Variants in GRID2 observed in about 807,000 individuals in gnomAD.
GRID2 encodes glutamate ionotropic receptor delta type subunit 2.
A neutral mutation model predicts 114.8 loss-of-function variants in GRID2; 33 were observed. That is an observed-to-expected ratio of 0.29 (90% CI 0.22 to 0.38). GRID2 has a LOEUF of 0.38. GRID2 is among the 10% of genes least tolerant of loss of function. The probability of loss-of-function intolerance (pLI) is 1.00; values close to 1 mark genes in which losing one functional copy is unlikely to be tolerated. For missense variants in GRID2, 1,184 were observed against 1,257.7 expected (o/e 0.94, Z 0.89); for synonymous variants, 505 against 449.9 (o/e 1.12, Z -1.55).
At chr4:93,291,886 G>A (rs1046682437) in intron 8 of GRID2, among the ~76,000 whole-genome samples, 3 of 150,564 alleles carry the variant, frequency 2.0e-5, no homozygotes, top group Non-Finnish European at 2.9e-5. Flanking sequence ...ATTAGCATAT[G>A]CATTACCACA....
At chr4:93,629,063 A>G (rs1163070743) in intron 14 of GRID2, among the ~76,000 whole-genome samples, 2 of 152,140 alleles carry the variant, frequency 1.3e-5, no homozygotes, top group African/African-American at 4.8e-5. Context: ...CACCGCGCCC[A>G]GCGATTTTCT....
At chr4:92,559,025 T>C (rs1484988943) in intron 1 of GRID2, among the ~76,000 whole-genome samples, 2 of 152,202 alleles carry the variant, frequency 1.3e-5, no homozygotes, top group African/African-American at 2.4e-5. Context: ...TTCAGCATAA[T>C]TTATATGCAC....
At chr4:93,055,810 C>CAAAT (rs1197716247) in intron 2 of GRID2, among the ~76,000 whole-genome samples, 9 of 151,878 alleles carry the variant, frequency 5.9e-5, no homozygotes, top group Non-Finnish European at 1.3e-4. Context: ...AATTTGCTTA[C>CAAAT]AAATACAAGA....
intron 1 of GRID2, among the ~76,000 whole-genome samples, chr4:92,392,720 A>C (rs1730305771): frequency 6.6e-6 from 1 of 152,146 alleles, no homozygotes; most frequent in South Asian, 2.1e-4. Flanking sequence ...TAAACTTTAG[A>C]CATCATTCAA....
At chr4:93,087,006 A>G (rs1322739933) in intron 3 of GRID2, among the ~76,000 whole-genome samples, 1 of 150,682 alleles carries the variant, frequency 6.6e-6, no homozygotes, top group Admixed American at 6.7e-5. Flanking sequence ...TTCAGTTAGT[A>G]CTATGAAAGT....
At chr4:92,355,266 C>T (rs955797811) in intron 1 of GRID2, among the ~76,000 whole-genome samples, 2 of 151,720 alleles carry the variant, frequency 1.3e-5, no homozygotes, top group African/African-American at 4.8e-5. Context: ...TTTTTCTCTT[C>T]TTTGAAATGG....
chr4:93,665,480 T>C (rs1335465468), intron 14 of GRID2, among the ~76,000 whole-genome samples: 1 of 152,232 alleles, frequency 6.6e-6, no homozygotes, highest in Admixed American at 6.5e-5. Flanking sequence ...ATGTGTCTTT[T>C]ATATGCATTT....
At chr4:92,763,021 T>A (rs1019439583) in intron 2 of GRID2, among the ~76,000 whole-genome samples, 1 of 152,184 alleles carries the variant, frequency 6.6e-6, no homozygotes. Context: ...GATTGGGAAG[T>A]GGTTAAGTAG....
chr4:92,637,425 T>C (rs966487640), intron 2 of GRID2, among the ~76,000 whole-genome samples: 2 of 152,072 alleles, frequency 1.3e-5, no homozygotes, highest in Non-Finnish European at 2.9e-5. Context: ...AACACAATGC[T>C]TGGTCTTCTT....
At chr4:93,022,808 A>G (rs1472157348) in intron 2 of GRID2, among the ~76,000 whole-genome samples, 3 of 152,018 alleles carry the variant, frequency 2.0e-5, no homozygotes, top group Non-Finnish European at 4.4e-5. Flanking sequence ...TACTAATGGT[A>G]AAAACTTGAT....
intron 11 of GRID2, among the ~76,000 whole-genome samples, chr4:93,465,858 G>A (rs1188614191): frequency 6.6e-6 from 1 of 152,094 alleles, no homozygotes; most frequent in African/African-American, 2.4e-5. Context: ...TGTCATTCAA[G>A]TAAATATGAA....
intron 14 of GRID2, among the ~76,000 whole-genome samples, chr4:93,716,919 C>T (rs538802886): frequency 1.9e-3 from 292 of 152,030 alleles, no homozygotes; most frequent in African/African-American, 5.8e-3. Flanking sequence ...TTACTAAAAA[C>T]GCATAGTCAG....
intron 1 of GRID2, among the ~76,000 whole-genome samples, chr4:92,386,289 T>C (rs1729957070): frequency 6.6e-6 from 1 of 151,784 alleles, no homozygotes; most frequent in Non-Finnish European, 1.5e-5. Context: ...TCACTCTCAG[T>C]TTATTCATGC....
chr4:92,948,656 A>G (rs1460035506), intron 2 of GRID2, among the ~76,000 whole-genome samples: 1 of 151,978 alleles, frequency 6.6e-6, no homozygotes. Context: ...TATATTGCCT[A>G]GAATAAACGT....
At chr4:93,453,358 G>T (rs1722894066) in intron 10 of GRID2, among the ~76,000 whole-genome samples, 1 of 137,522 alleles carries the variant, frequency 7.3e-6, no homozygotes, top group Non-Finnish European at 1.6e-5. Context: ...GAGAGAGAGA[G>T]AGTGTGTGTA....
intron 8 of GRID2, among the ~76,000 whole-genome samples, chr4:93,249,243 T>C (rs887362555): frequency 3.3e-5 from 5 of 152,132 alleles, no homozygotes; most frequent in African/African-American, 1.2e-4. Flanking sequence ...GTCTGTTTTG[T>C]TAGCAGTACC....
intron 4 of GRID2, among the ~76,000 whole-genome samples, chr4:93,163,176 T>G (rs1737848470): frequency 6.6e-6 from 1 of 151,550 alleles, no homozygotes; most frequent in African/African-American, 2.4e-5. Flanking sequence ...TGTCAAGATG[T>G]GTTATTTAAA....
chr4:93,682,848 G>A (rs930659228), intron 14 of GRID2, among the ~76,000 whole-genome samples: 2 of 151,432 alleles, frequency 1.3e-5, no homozygotes, highest in African/African-American at 2.4e-5. Flanking sequence ...GAGTTAATGG[G>A]TGGAGCACAC....
At chr4:93,696,279 T>G (rs1393737666) in intron 14 of GRID2, among the ~76,000 whole-genome samples, 1 of 114,624 alleles carries the variant, frequency 8.7e-6, no homozygotes, top group Admixed American at 1.2e-4. Context: ...TCTCTCAAAC[T>G]GTCTGCTTCC....
Sources: allele counts gnomAD v4.1 joint callset (sites outside exome capture counted in the v4.1 genomes callset), GRCh38; gene constraint gnomAD v4.1.1; transcripts MANE v1.5; gene names NCBI Gene and HGNC (gene_info 2026-07-23, HGNC 2026-07-21).